The following STX8 variants were observed in gnomAD, a reference collection of about 807,000 sequenced individuals.
STX8 encodes syntaxin-8.
STX8 carries 23 observed loss-of-function variants against 37.5 expected under a neutral mutation model. That is an observed-to-expected ratio of 0.61 (90% confidence interval 0.44 to 0.87). The LOEUF is 0.87. Among genes scored for constraint, STX8 ranks in the 40% least tolerant of loss-of-function variants. The pLI is 0.00. For missense variants in STX8, 313 were observed against 284.7 expected, an observed-to-expected ratio of 1.10 and a Z score of -0.71; for synonymous variants, 115 against 99.1, an observed-to-expected ratio of 1.16 and a Z score of -0.95.
chr17:9,510,868 G>T (rs535468806), intron 4 of STX8, among the ~76,000 whole-genome samples: 131 of 151,876 alleles, frequency 8.6e-4, no homozygotes, highest in South Asian at 1.7e-3. Flanking sequence ...CCATTAGCTA[G>T]ACTAAGAAAA....
intron 7 of STX8, among the ~76,000 whole-genome samples, chr17:9,359,136 G>A (rs1239238155): frequency 6.6e-5 from 10 of 150,876 alleles, no homozygotes; most frequent in African/African-American, 2.0e-4. Flanking sequence ...TCCATCTCCC[G>A]GGTTCAAGAG....
intron 6 of STX8, among the ~76,000 whole-genome samples, chr17:9,422,376 G>A (rs900559646): frequency 6.6e-6 from 1 of 152,284 alleles, no homozygotes; most frequent in Admixed American, 6.5e-5. Context: ...CAAAGTGCTG[G>A]GATTACAGGT....
chr17:9,543,878 T>C (rs1327186068), intron 4 of STX8, among the ~76,000 whole-genome samples: 2 of 152,204 alleles, frequency 1.3e-5, no homozygotes, highest in Non-Finnish European at 2.9e-5. Flanking sequence ...CCTTCCTGTA[T>C]TTCACAGTTT....
At chr17:9,321,358 T>C (rs1001739505) in intron 7 of STX8, among the ~76,000 whole-genome samples, 2 of 151,826 alleles carry the variant, frequency 1.3e-5, no homozygotes, top group South Asian at 2.1e-4. Flanking sequence ...GGTAAAACCC[T>C]GTCTCTGCTA....
chr17:9,290,316 T>TTA (rs1908270573), intron 7 of STX8, among the ~76,000 whole-genome samples: 1 of 151,316 alleles, frequency 6.6e-6, no homozygotes, highest in African/African-American at 2.4e-5. Context: ...TGCATGCCAC[T>TTA]GTGTGTGGAT....
intron 7 of STX8, among the ~76,000 whole-genome samples, chr17:9,339,497 A>T (rs751700796): frequency 2.0e-5 from 3 of 152,112 alleles, no homozygotes; most frequent in Non-Finnish European, 2.9e-5. Context: ...TGCTAAAAAT[A>T]CAAAAAATTA....
At chr17:9,374,283 T>G (rs1911512336) in intron 7 of STX8, among the ~76,000 whole-genome samples, 2 of 152,148 alleles carry the variant, frequency 1.3e-5, no homozygotes, top group Admixed American at 1.3e-4. Context: ...GGTTTCACCA[T>G]GTTGGCCAGG....
chr17:9,574,841 A>C (rs995845654), intron 1 of STX8, among the ~76,000 whole-genome samples: 27 of 152,206 alleles, frequency 1.8e-4, no homozygotes, highest in Non-Finnish European at 2.2e-4. Context: ...CCGGCCTAAA[A>C]TTAGGTTTAA....
intron 7 of STX8, among the ~76,000 whole-genome samples, chr17:9,273,872 C>A (rs1388080558): frequency 6.6e-6 from 1 of 152,120 alleles, no homozygotes; most frequent in African/African-American, 2.4e-5. Context: ...CTGTTGCTGT[C>A]TAGTCTAACA....
At chr17:9,382,997 C>T (rs541973255) in intron 6 of STX8, among the ~76,000 whole-genome samples, 81 of 152,218 alleles carry the variant, frequency 5.3e-4, no homozygotes, top group African/African-American at 1.9e-3. Flanking sequence ...TATGAATGAA[C>T]GAATCCTGTT....
intron 7 of STX8, among the ~76,000 whole-genome samples, chr17:9,355,920 G>A (rs920123828): frequency 6.6e-6 from 1 of 152,112 alleles, no homozygotes; most frequent in African/African-American, 2.4e-5. Context: ...CCAAAGTGCT[G>A]GGATTACAGG....
intron 7 of STX8, among the ~76,000 whole-genome samples, chr17:9,321,215 T>C (rs1409046294): frequency 6.6e-6 from 1 of 152,048 alleles, no homozygotes; most frequent in East Asian, 1.9e-4. Context: ...AGGAAATCAA[T>C]AGGTAATGTC....
chr17:9,270,811 G>A (rs1156284287), intron 7 of STX8, among the ~76,000 whole-genome samples: 1 of 152,156 alleles, frequency 6.6e-6, no homozygotes, highest in Non-Finnish European at 1.5e-5. Flanking sequence ...TTCTCCATTA[G>A]TGATATGAAT....
chr17:9,363,658 G>A (rs1258605473), intron 7 of STX8, among the ~76,000 whole-genome samples: 2 of 152,096 alleles, frequency 1.3e-5, no homozygotes, highest in East Asian at 3.8e-4. Context: ...ATCAATCAAG[G>A]CCCACACGGT....
chr17:9,532,360 C>T (rs769717608), intron 4 of STX8, among the ~76,000 whole-genome samples: 1 of 152,088 alleles, frequency 6.6e-6, no homozygotes, highest in Non-Finnish European at 1.5e-5. Flanking sequence ...AAAAAGATGA[C>T]GTGCAGTAAA....
At chr17:9,459,555 G>A (rs963714614) in intron 6 of STX8, among the ~76,000 whole-genome samples, 20 of 152,146 alleles carry the variant, frequency 1.3e-4, no homozygotes, top group African/African-American at 4.3e-4. Context: ...TCGCTCTGTC[G>A]TCCAGGCTGG....
chr17:9,513,470 A>T (rs763999994), intron 4 of STX8, among the ~76,000 whole-genome samples: 1 of 152,242 alleles, frequency 6.6e-6, no homozygotes, highest in Non-Finnish European at 1.5e-5. Context: ...TCCAAATCAC[A>T]ATGAGGTATC....
Position 9,327,331 on chromosome 17 carries a change from AAGG to A in STX8, c.643+51218_643+51220del, listed in dbSNP as rs1252877644. 3.4e-5 allele frequency among the ~76,000 whole-genome samples: 5 copies of A among 147,484 alleles called. No individual in the cohort carries two copies. The South Asian group carries it at 9.2e-4, about 27-fold the overall frequency. On this transcript the variant is annotated intron_variant, in intron 7 of 7. Transcript: ENST00000306357. ...GAAGAAGAAGGAAGAAGGAGAAGAG[AAGG>A]AGAAGGAGGAGGAGGAGAAGGAGAG...
chr17:9,502,283 G>C (rs189808964), intron 5 of STX8, among the ~76,000 whole-genome samples: 71 of 152,300 alleles, frequency 4.7e-4, no homozygotes, highest in African/African-American at 1.7e-3. Flanking sequence ...GAGCAGAGGA[G>C]TGGTTACCCA....
Sources: allele counts gnomAD v4.1 joint callset (sites outside exome capture counted in the v4.1 genomes callset), GRCh38; gene constraint gnomAD v4.1.1; transcripts MANE v1.5; gene names NCBI Gene and HGNC (gene_info 2026-07-23, HGNC 2026-07-21).